MS4A15: variants seen among roughly 807,000 people sequenced by gnomAD.
The protein encoded by MS4A15 is membrane spanning 4-domains A15, also known as membrane-spanning 4-domains subfamily A member 15.
MS4A15 carries 22 observed loss-of-function variants against 20.6 expected under a neutral mutation model. The ratio of observed to expected loss-of-function variants is 1.07; its 90% confidence interval spans 0.76 to 1.52. MS4A15 has a LOEUF of 1.52. Ranked by LOEUF, MS4A15 falls within the 40% of genes most tolerant of loss-of-function variation. The pLI is 0.00. For synonymous variants in MS4A15, 129 were observed against 129.3 expected, an observed-to-expected ratio of 1.00 and a Z score of 0.02; for missense variants, 312 against 323.0, an observed-to-expected ratio of 0.97 and a Z score of 0.26.
chr11:60,765,443 G>A, intron 2 of MS4A15, among the ~76,000 whole-genome samples: 1 of 152,012 alleles, frequency 6.6e-6, no homozygotes, highest in East Asian at 1.9e-4. Context: ...GATGATGACA[G>A]CTCTTACTTA....
chr11:60,758,616 A>T (rs1273441471), intron 1 of MS4A15, among the ~76,000 whole-genome samples: 1 of 152,238 alleles, frequency 6.6e-6, no homozygotes, highest in African/African-American at 2.4e-5. Flanking sequence ...TAACCCTGCT[A>T]CTGTTTTCCT....
chr11:60,773,019 A>G (rs1366455705), intron 4 of MS4A15, among the ~76,000 whole-genome samples: 1 of 152,178 alleles, frequency 6.6e-6, no homozygotes, highest in East Asian at 1.9e-4. Flanking sequence ...CATGCCCCTG[A>G]GCAGGCCTCA....
chr11:60,775,454 T>A, intron 6 of MS4A15, 151 bp from the exon 7 acceptor site: 2 of 627,178 alleles, frequency 3.2e-6, no homozygotes, highest in Non-Finnish European at 5.7e-6. Flanking sequence ...TTTGAAATAT[T>A]GGTTGCACGG....
rs184654250 is a variant in MS4A15 at position 60,765,549 on chromosome 11, G to A, written c.225+1591G>A. 6.2e-4 allele frequency among the ~76,000 whole-genome samples: 95 copies of A among 152,246 alleles called. 1 individual carries two copies. The East Asian group carries it at 0.011, about 18-fold the overall frequency. ...ACCACCTTGTAAGAAGGGGATCATCGTTCCTGTTGGACAGATTACGAAACT... is the reference window on the plus strand; with the variant it reads ...ACCACCTTGTAAGAAGGGGATCATCATTCCTGTTGGACAGATTACGAAACT... On this transcript the variant is annotated intron_variant, in intron 2 of 6. Coordinates refer to ENST00000405633, the MANE Select transcript of MS4A15 (RefSeq NM_001098835.2).
Position 60,767,623 on chromosome 11 carries a change from G to T in MS4A15, c.316G>T (p.Glu106Ter), listed in dbSNP as rs1469209769. 1.9e-6 allele frequency: 3 copies of T among 1,556,868 alleles called. No individual in the cohort carries two copies. Among genetic ancestry groups the T allele is most frequent in the Admixed American group, 2.0e-5 (1 of 51,140 alleles). Residue 106 changes from glutamate (E) to a stop codon, truncating the protein, a stop_gained, in exon 3 of 7, where the codon GAG becomes TAG. Transcript: ENST00000405633. LOFTEE classifies it high-confidence loss of function. ...RRGHVGIFFI[E>*]GGVPFWGGAC... is the part of the protein sequence containing the mutation. ...CGGCCACGTGGGCATCTTCTTCATC[G>T]AGGGCGGCGTCCCCTTCTGGGGAGG...
At chr11:60,768,956 G>C (rs899244922) in intron 3 of MS4A15, among the ~76,000 whole-genome samples, 1 of 152,172 alleles carries the variant, frequency 6.6e-6, no homozygotes, top group African/African-American at 2.4e-5. Context: ...ATCACAACCA[G>C]ATCAGGATGG....
chr11:60,769,506 A>C (rs955065275), intron 3 of MS4A15, among the ~76,000 whole-genome samples: 3 of 152,038 alleles, frequency 2.0e-5, no homozygotes, highest in African/African-American at 7.2e-5. Flanking sequence ...CTGGGGCTTG[A>C]CTTTCTCATC....
intron 2 of MS4A15, among the ~76,000 whole-genome samples, chr11:60,766,238 A>G (rs1166520481): frequency 2.6e-5 from 4 of 152,220 alleles, no homozygotes; most frequent in Non-Finnish European, 5.9e-5. Flanking sequence ...AAAATTAGCC[A>G]GGTGTGGTGG....
intron 3 of MS4A15, among the ~76,000 whole-genome samples, chr11:60,768,118 G>C (rs1402564902): frequency 2.0e-5 from 3 of 152,092 alleles, no homozygotes; most frequent in Non-Finnish European, 4.4e-5. Context: ...GCTTTAACCC[G>C]GGAGGCGGAG....
chr11:60,763,928 A>G lies in MS4A15; in HGVS notation c.195A>G (p.Thr65=). Reference sequence around the variant, plus strand: ...CACCTGACTTGCGGCCCGTGGAGACATTCCTGACAGGAGAGCCCAAAGTTT... The same window carrying G: ...CACCTGACTTGCGGCCCGTGGAGACGTTCCTGACAGGAGAGCCCAAAGTTT... ...TQPPDLRPVE[T]FLTGEPKVLG... The change falls in exon 2 of 7, where the codon ACA becomes ACG. Residue 65 remains threonine, a synonymous_variant. Coordinates refer to ENST00000405633, the MANE Select transcript of MS4A15 (RefSeq NM_001098835.2). 2 of 1,613,036 alleles carry G rather than the reference A, an allele frequency of 1.2e-6. No homozygotes were observed. Among genetic ancestry groups the G allele is most frequent in the Non-Finnish European group, 8.5e-7 (1 of 1,179,874 alleles).
chr11:60,763,558 T>C, intron 1 of MS4A15, 148 bp from the exon 2 acceptor site: 3 of 651,826 alleles, frequency 4.6e-6, no homozygotes, highest in Non-Finnish European at 7.8e-6. Context: ...TTCGCTTCTC[T>C]GAGTCTCAGC....
At position 60,758,693 on chromosome 11, in the gene MS4A15, T is replaced by C. The variant is rs573326197; in HGVS notation, c.-29+1635T>C. ...CTCTTGATTGGCAAATCGCAATAGCTGACTTTATTGGTAATATCAGCTTTC... is the reference window on the plus strand; with the variant it reads ...CTCTTGATTGGCAAATCGCAATAGCCGACTTTATTGGTAATATCAGCTTTC... On this transcript the variant is annotated intron_variant, in intron 1 of 6. Transcript: ENST00000405633. Among the ~76,000 whole-genome samples the C allele has an allele frequency of 7.8e-4, 119 of 152,358 alleles. 2 individuals carry two copies. In the South Asian group the frequency reaches 0.024, roughly 31 times the overall value.
chr11:60,760,358 T>C (rs1853707192), intron 1 of MS4A15, among the ~76,000 whole-genome samples: 1 of 152,234 alleles, frequency 6.6e-6, no homozygotes, highest in African/African-American at 2.4e-5. Flanking sequence ...GCCAATGGCA[T>C]TCTCTTTCCC....
At chr11:60,773,539 G>A in intron 5 of MS4A15, 55 bp downstream of exon 5, 2 of 1,510,876 alleles carry the variant, frequency 1.3e-6, no homozygotes, top group South Asian at 1.1e-5. Flanking sequence ...ATGCAGCCAT[G>A]TCCAGGAGGG....
chr11:60,771,359 CA>C lies in MS4A15; in HGVS notation c.405+13del, dbSNP rs148300573. The stretch of plus-strand genomic sequence containing the variant: ...ACACCAGTTGCCTGGTGAGTGTGAA[CA>C]GGGGGACCCAGGGGCGGGGATGAAG... On this transcript the variant is annotated intron_variant, in intron 4 of 6. Coordinates refer to ENST00000405633, the MANE Select transcript of MS4A15 (RefSeq NM_001098835.2). 1.7e-3 allele frequency: 2,739 copies of C among 1,614,066 alleles called. 44 individuals are homozygous for C. The African/African-American group carries it at 0.033, about 19-fold the overall frequency.
chr11:60,771,751 A>G (rs944559167), intron 4 of MS4A15: 22 of 1,224,280 alleles, frequency 1.8e-5, no homozygotes, highest in Middle Eastern at 2.5e-4. Context: ...CATCCAACGA[A>G]GGCAAAGGTA....
intron 2 of MS4A15, among the ~76,000 whole-genome samples, chr11:60,765,395 A>G (rs1853860068): frequency 6.6e-6 from 1 of 151,950 alleles, no homozygotes; most frequent in African/African-American, 2.4e-5. Flanking sequence ...AGAAGATGAA[A>G]GCATAGATTA....
At chr11:60,768,464 A>G (rs1481670093) in intron 3 of MS4A15, among the ~76,000 whole-genome samples, 1 of 152,198 alleles carries the variant, frequency 6.6e-6, no homozygotes, top group Non-Finnish European at 1.5e-5. Flanking sequence ...CCAACATTAA[A>G]GGGCACTTGA....
In MS4A15 at chr11:60,757,053, A is replaced by G. The variant is rs1365699094; in HGVS notation, c.-34A>G. ...AGGAAAACTCATCAATTTTCGGGGA[A>G]TCCCGGTAAGGGACAGTCCTGACTC... is the stretch of plus-strand genomic sequence containing the variant. On this transcript the variant is annotated 5_prime_UTR_variant, in exon 1 of 7. Coordinates refer to ENST00000405633, the MANE Select transcript of MS4A15 (RefSeq NM_001098835.2). The G allele has an allele frequency of 1.3e-5, 2 of 152,366 alleles. No individual in the cohort carries two copies. Among genetic ancestry groups the G allele is most frequent in the East Asian group, 3.9e-4 (2 of 5,184 alleles). The allele number at this position is 152,366 out of a possible 1,614,324, so 9.4% of individuals were successfully genotyped here.
Sources: gnomAD v4.1 joint callset for allele counts (sites outside exome capture counted in the v4.1 genomes callset) on GRCh38, gnomAD v4.1.1 for gene constraint, MANE v1.5 for transcripts, NCBI Gene and HGNC (gene_info 2026-07-23, HGNC 2026-07-21) for gene names.